Variants in ACAP2 observed in about 807,000 individuals in gnomAD.
ACAP2 encodes ArfGAP with coiled-coil, ankyrin repeat and PH domains 2, also known as arf-GAP with coiled-coil, ANK repeat and PH domain-containing protein 2.
ACAP2 carries 39 observed loss-of-function variants against 115.8 expected under a neutral mutation model. The observed-to-expected ratio is 0.34, with a 90% CI of 0.26 to 0.44. The LOEUF is 0.44. Among genes scored for constraint, ACAP2 ranks in the 20% least tolerant of loss-of-function variants. ACAP2 has a pLI of 1.00. For synonymous variants in ACAP2, 289 were observed against 315.8 expected, an observed-to-expected ratio of 0.92 and a Z score of 0.90; for missense variants, 662 against 927.6, an observed-to-expected ratio of 0.71 and a Z score of 3.72.
Position 195,275,204 on chromosome 3 carries a change from T to C in ACAP2, c.*4124A>G, listed in dbSNP as rs1726148266. 1 of 152,496 alleles carries C rather than the reference T, an allele frequency of 6.6e-6. No homozygotes were observed. Among genetic ancestry groups the C allele is most frequent in the South Asian group, 2.1e-4 (1 of 4,822 alleles). The allele number at this position is 152,496 out of a possible 1,614,324, so 9.4% of individuals were successfully genotyped here. Reference sequence around the variant, plus strand: ...GGAGGTTGAAGAAAAATAAGAAAAGTTAGCAAATAAGATAGTGAAAAGACC... The same window carrying C: ...GGAGGTTGAAGAAAAATAAGAAAAGCTAGCAAATAAGATAGTGAAAAGACC... On this transcript the variant is annotated 3_prime_UTR_variant, in exon 23 of 23. Coordinates refer to ENST00000326793, the MANE Select transcript of ACAP2 (RefSeq NM_012287.6).
chr3:195,368,968 C>A (rs1357423736), intron 4 of ACAP2, among the ~76,000 whole-genome samples: 1 of 152,098 alleles, frequency 6.6e-6, no homozygotes, highest in East Asian at 1.9e-4. Flanking sequence ...CCTGTAGTCC[C>A]AGCTACTTGG....
intron 1 of ACAP2, among the ~76,000 whole-genome samples, chr3:195,397,815 G>A (rs561949580): frequency 1.3e-5 from 2 of 152,072 alleles, no homozygotes; most frequent in Non-Finnish European, 2.9e-5. Flanking sequence ...TAGTGTTAAA[G>A]AAAATGCACA....
At chr3:195,441,201 A>T (rs1275455653) in intron 1 of ACAP2, among the ~76,000 whole-genome samples, 1 of 152,170 alleles carries the variant, frequency 6.6e-6, no homozygotes, top group Admixed American at 6.5e-5. Flanking sequence ...AAATGCTGTG[A>T]TTATTTCACT....
intron 1 of ACAP2, among the ~76,000 whole-genome samples, chr3:195,412,465 G>A (rs917439105): frequency 1.3e-5 from 2 of 151,212 alleles, no homozygotes; most frequent in East Asian, 1.9e-4. Flanking sequence ...TACAAAAATC[G>A]GCTGGGCGTG....
At chr3:195,365,491 G>A (rs939713184) in intron 4 of ACAP2, among the ~76,000 whole-genome samples, 2 of 151,974 alleles carry the variant, frequency 1.3e-5, no homozygotes, top group Non-Finnish European at 2.9e-5. Flanking sequence ...CCATCCTGAG[G>A]TGGGAGGATT....
chr3:195,332,900 T>C (rs1730266933), intron 8 of ACAP2, 128 bp downstream of exon 8: 3 of 582,710 alleles, frequency 5.1e-6, no homozygotes, highest in South Asian at 4.5e-5. Flanking sequence ...CTTTCTAGAT[T>C]ACCCAGTCTC....
intron 1 of ACAP2, among the ~76,000 whole-genome samples, chr3:195,411,769 G>A (rs759897602): frequency 4.6e-5 from 7 of 152,082 alleles, no homozygotes; most frequent in Admixed American, 6.5e-5. Context: ...GTAAGGCCAG[G>A]AGTGGTGGCT....
intron 1 of ACAP2, among the ~76,000 whole-genome samples, chr3:195,416,001 T>C (rs1713691499): frequency 6.6e-6 from 1 of 151,910 alleles, no homozygotes; most frequent in African/African-American, 2.4e-5. Flanking sequence ...GAAGAAAATA[T>C]AAATAGGCAA....
Position 195,275,703 on chromosome 3 carries a change from G to C in ACAP2, c.*3625C>G, listed in dbSNP as rs189260404. On this transcript the variant is annotated 3_prime_UTR_variant, in exon 23 of 23. Transcript: ENST00000326793. ...GTGACCCTGCTCTGTAAAACAAAAGGAGCACCCTAGGATCAAAAAAGTAGA... is the reference window on the plus strand; with the variant it reads ...GTGACCCTGCTCTGTAAAACAAAAGCAGCACCCTAGGATCAAAAAAGTAGA... 47 of 152,232 alleles carry C rather than the reference G, an allele frequency of 3.1e-4. No homozygotes were observed. The highest frequency in any genetic ancestry group is 5.4e-4 in the Non-Finnish European group (37 of 68,006). 9.4% of individuals were successfully genotyped at this position (152,232 alleles called of 1,614,324 possible).
chr3:195,384,092 A>G (rs1734128176), intron 2 of ACAP2, among the ~76,000 whole-genome samples: 1 of 152,220 alleles, frequency 6.6e-6, no homozygotes, highest in Non-Finnish European at 1.5e-5. Context: ...TAAAACATAC[A>G]TACCTTCTAA....
At chr3:195,294,678 G>T in intron 18 of ACAP2, 41 bp downstream of exon 18, 1 of 1,147,348 alleles carries the variant, frequency 8.7e-7, no homozygotes, top group Non-Finnish European at 1.2e-6. Flanking sequence ...GCACTTTCCA[G>T]CAAACAAAAC....
At chr3:195,401,463 G>A (rs900712994) in intron 1 of ACAP2, among the ~76,000 whole-genome samples, 9 of 152,138 alleles carry the variant, frequency 5.9e-5, no homozygotes, top group Admixed American at 4.6e-4. Flanking sequence ...TCAGGAGTTT[G>A]AGACCAGTCT....
At chr3:195,307,158 G>T in intron 12 of ACAP2, 65 bp downstream of exon 12, 1 of 1,345,754 alleles carries the variant, frequency 7.4e-7, no homozygotes, top group African/African-American at 1.5e-5. Flanking sequence ...CTCTACTCTG[G>T]AAAGTTATTT....
rs920528429 is a variant in ACAP2 at position 195,292,897 on chromosome 3, G to A, written c.1766-445C>T. ...AGATTGCACCACTGCACTCCAGCCT[G>A]AGCAATAGAGCGAGACTCAGTCTCA... On this transcript the variant is annotated intron_variant, in intron 18 of 22. Coordinates refer to ENST00000326793, the MANE Select transcript of ACAP2 (RefSeq NM_012287.6). Among the ~76,000 whole-genome samples, 4 of 120,080 alleles carry A rather than the reference G, an allele frequency of 3.3e-5. No homozygotes were observed. The Admixed American group carries it at 4.2e-4, about 13-fold the overall frequency. 78.8% of individuals were successfully genotyped at this position (120,080 alleles called of 152,430 possible).
chr3:195,337,005 C>A, intron 6 of ACAP2, 29 bp from the exon 7 acceptor site: 1 of 1,591,572 alleles, frequency 6.3e-7, no homozygotes, highest in Non-Finnish European at 8.6e-7. Context: ...GGTTAATCAC[C>A]CATGCATTAT....
At position 195,312,595 on chromosome 3, in the gene ACAP2, T is replaced by G. The variant is rs536078599; in HGVS notation, c.858-3758A>C. 7.8e-4 allele frequency among the ~76,000 whole-genome samples: 118 copies of G among 152,012 alleles called. 1 individual carries two copies. The highest frequency in any genetic ancestry group is 1.4e-3 in the Non-Finnish European group (96 of 67,968). On this transcript the variant is annotated intron_variant, in intron 10 of 22. Transcript: ENST00000326793. ...GATCCTCCCACCTCAGCCTCTGGAG[T>G]AGCTGGGACCACAGAGGCATGCCAC...
intron 21 of ACAP2, 131 bp from the exon 22 acceptor site, chr3:195,285,988 G>T: frequency 3.0e-6 from 2 of 666,478 alleles, no homozygotes; most frequent in Non-Finnish European, 4.8e-6. Flanking sequence ...CTGGCTTTTA[G>T]TTTATCAAAC....
chr3:195,368,496 A>T (rs1444162698), intron 4 of ACAP2, among the ~76,000 whole-genome samples: 1 of 152,088 alleles, frequency 6.6e-6, no homozygotes, highest in African/African-American at 2.4e-5. Flanking sequence ...AGCTATATTA[A>T]TTCTTCCTCC....
In ACAP2 at chr3:195,365,841, A is replaced by ATTT. The variant is rs59855378; in HGVS notation, c.285+15165_285+15167dup. Reference sequence around the variant, plus strand: ...CTCTCTACTTCATCTGCCTATAGTAATTTTTTTTTTTTTTTTTGAGACAGT... The same window carrying ATTT: ...CTCTCTACTTCATCTGCCTATAGTAATTTTTTTTTTTTTTTTTTTTGAGACAGT... On this transcript the variant is annotated intron_variant, in intron 4 of 22. Transcript: ENST00000326793. Among the ~76,000 whole-genome samples, 243 of 138,256 alleles carry ATTT rather than the reference A, an allele frequency of 1.8e-3. 1 individual carries two copies. The highest frequency in any genetic ancestry group is 6.2e-3 in the African/African-American group (230 of 37,014). 90.7% of individuals were successfully genotyped at this position (138,256 alleles called of 152,430 possible).
Sources: gnomAD v4.1 joint callset for allele counts (sites outside exome capture counted in the v4.1 genomes callset) on GRCh38, gnomAD v4.1.1 for gene constraint, MANE v1.5 for transcripts, NCBI Gene and HGNC (gene_info 2026-07-23, HGNC 2026-07-21) for gene names.